Variants in PAXBP1 observed in about 807,000 individuals in gnomAD.
PAXBP1 encodes the protein PAX3- and PAX7-binding protein 1.
A neutral mutation model predicts 119.9 loss-of-function variants in PAXBP1; 44 were observed. The ratio of observed to expected loss-of-function variants is 0.37; its 90% CI spans 0.29 to 0.47. The LOEUF is 0.47. Ranked by LOEUF, PAXBP1 falls within the 20% of genes least tolerant of loss-of-function variation. The pLI is 0.99. For missense variants in PAXBP1, 898 were observed against 1,134.1 expected, an observed-to-expected ratio of 0.79 and a Z score of 2.99; for synonymous variants, 393 against 406.6, an observed-to-expected ratio of 0.97 and a Z score of 0.40.
chr21:32,768,161 A>AGGAGTT (rs113972899), intron 2 of PAXBP1, among the ~76,000 whole-genome samples: 7,313 of 152,260 alleles, frequency 0.048, 259 homozygotes, highest in South Asian at 0.15. Context: ...CCATTATCCC[A>AGGAGTT]GGCTCCTGAT....
chr21:32,771,492 C>A lies in PAXBP1; in HGVS notation c.177G>T (p.Pro59=), dbSNP rs775506458. Residue 59 remains proline (P), a synonymous_variant, in exon 1 of 18, where the codon CCG becomes CCT. Coordinates refer to ENST00000331923, the MANE Select transcript of PAXBP1 (RefSeq NM_016631.4). Reference sequence around the variant, plus strand: ...TCAGCGCGGAAGGCGGCGACGGCCCCGGGCCCAGCAGCGACTCCCCGCCAG... The same window carrying A: ...TCAGCGCGGAAGGCGGCGACGGCCCAGGGCCCAGCAGCGACTCCCCGCCAG... ...RAPGGESLLG[P]GPSPPSALTP... 3.3e-5 allele frequency: 44 copies of A among 1,329,092 alleles called. No homozygotes were observed. Among genetic ancestry groups the A allele is most frequent in the Non-Finnish European group, 3.3e-5 (35 of 1,046,278 alleles). 82.3% of individuals were successfully genotyped at this position (1,329,092 alleles called of 1,614,324 possible).
intron 16 of PAXBP1, among the ~76,000 whole-genome samples, chr21:32,737,952 T>C (rs990037359): frequency 6.6e-6 from 1 of 152,070 alleles, no homozygotes; most frequent in African/African-American, 2.4e-5. Flanking sequence ...TCTATAAAAA[T>C]ATGGATATAG....
chr21:32,751,104 G>T lies in PAXBP1; in HGVS notation c.1607+15C>A, dbSNP rs2043951857. ...CCCTTCCCAAACAAGCCAGAGCAAG[G>T]GTTTTGAGAATTACCTCCTGGCCTC... On this transcript the variant is annotated intron_variant, in intron 9 of 17. Coordinates refer to ENST00000331923, the MANE Select transcript of PAXBP1 (RefSeq NM_016631.4). 6.2e-7 allele frequency: 1 copy of T among 1,613,306 alleles called. No individual in the cohort carries two copies. Among genetic ancestry groups the T allele is most frequent in the African/African-American group, 1.3e-5 (1 of 74,982 alleles).
At chr21:32,755,468 C>A in intron 7 of PAXBP1, 115 bp from the exon 8 acceptor site, 1 of 1,349,976 alleles carries the variant, frequency 7.4e-7, no homozygotes. Flanking sequence ...ACAGAATAAT[C>A]ATGAATCCCC....
intron 12 of PAXBP1, 32 bp downstream of exon 12, chr21:32,745,542 T>C: frequency 6.2e-7 from 1 of 1,611,820 alleles, no homozygotes. Context: ...CCAGTGTGTC[T>C]GAATGCTCAA....
At chr21:32,737,518 C>T in intron 16 of PAXBP1, 110 bp from the exon 17 acceptor site, 1 of 873,512 alleles carries the variant, frequency 1.1e-6, no homozygotes. Context: ...AGACGTGCTT[C>T]TGAGCTACAG....
At chr21:32,760,796 A>G (rs1443152505) in intron 5 of PAXBP1, among the ~76,000 whole-genome samples, 2 of 152,064 alleles carry the variant, frequency 1.3e-5, no homozygotes, top group African/African-American at 4.8e-5. Context: ...CCACTTTGAG[A>G]AAAACTCATC....
rs1412198294 is a variant in PAXBP1, at chr21:32,748,556, C to G, written c.1866G>C (p.Leu622Phe). 1 of 1,613,916 alleles carries G rather than the reference C, an allele frequency of 6.2e-7. No homozygotes were observed. The highest frequency in any genetic ancestry group is 8.5e-7 in the Non-Finnish European group (1 of 1,179,930). Reference sequence around the variant, plus strand: ...GTATGAGGGGGTTGAATAATTTTGGCAAACAAAGGCCAATGTAAGCATCTT... The same window carrying G: ...GTATGAGGGGGTTGAATAATTTTGGGAAACAAAGGCCAATGTAAGCATCTT... ...SYKDAYIGLC[L>F]PKLFNPLIRL... is the part of the protein sequence containing the mutation. Residue 622 changes from leucine to phenylalanine, a missense_variant, in exon 11 of 18, where the codon TTG becomes TTC. By Grantham distance (22) the Leu-to-Phe change is conservative (BLOSUM62 0). This residue lies in a region of PAXBP1 where 599 missense variants were observed against 852.7 expected (regional missense o/e 0.70). Transcript: ENST00000331923.
intron 11 of PAXBP1, among the ~76,000 whole-genome samples, chr21:32,748,055 G>A (rs980913124): frequency 6.6e-6 from 1 of 151,652 alleles, no homozygotes; most frequent in Non-Finnish European, 1.5e-5. Flanking sequence ...CCAAACTGTT[G>A]GGATTACAAG....
intron 2 of PAXBP1, 23 bp from the exon 3 acceptor site, chr21:32,764,547 T>C: frequency 6.6e-7 from 1 of 1,508,782 alleles, no homozygotes; most frequent in Non-Finnish European, 8.9e-7. Context: ...AGAATTAAAA[T>C]ATATGTAAAA....
chr21:32,740,911 C>T (rs1033536515), intron 15 of PAXBP1, among the ~76,000 whole-genome samples: 1 of 152,032 alleles, frequency 6.6e-6, no homozygotes, highest in Non-Finnish European at 1.5e-5. Context: ...AATTTAAAAC[C>T]TAAGCAAAAG....
At chr21:32,743,181 C>T (rs962974703) in intron 15 of PAXBP1, 67 bp downstream of exon 15, 4 of 1,199,654 alleles carry the variant, frequency 3.3e-6, no homozygotes, top group Admixed American at 4.2e-5. Context: ...AAACAAAACA[C>T]TCTAAAAAAT....
chr21:32,750,813 T>G (rs2043946294), intron 10 of PAXBP1, 104 bp downstream of exon 10: 11 of 813,466 alleles, frequency 1.4e-5, no homozygotes, highest in Non-Finnish European at 1.9e-5. Context: ...AAGTGTCTGG[T>G]TCTAATGCAG....
intron 2 of PAXBP1, among the ~76,000 whole-genome samples, chr21:32,769,049 C>T (rs531775963): frequency 1.3e-5 from 2 of 152,304 alleles, no homozygotes; most frequent in African/African-American, 2.4e-5. Flanking sequence ...TCCTCTTACA[C>T]ATTTATGAGA....
rs1601581215 is a variant in PAXBP1, at chr21:32,738,078, G to A, written c.2481+95C>T. On this transcript the variant is annotated intron_variant, in intron 16 of 17. Coordinates refer to ENST00000331923, the MANE Select transcript of PAXBP1 (RefSeq NM_016631.4). ...ACATGCAAGTCCAGTAATCAAAGGG[G>A]TTTCATAAAATTCTCAAATCCCTCT... 11 of 1,257,084 alleles carry A rather than the reference G, an allele frequency of 8.8e-6. No individual in the cohort carries two copies. The East Asian group carries it at 2.8e-4, about 32-fold the overall frequency. The allele number at this position is 1,257,084 out of a possible 1,614,324, so 77.9% of individuals were successfully genotyped here.
intron 12 of PAXBP1, 97 bp from the exon 13 acceptor site, chr21:32,745,010 T>C: frequency 2.3e-6 from 3 of 1,326,874 alleles, no homozygotes; most frequent in Non-Finnish European, 3.1e-6. Context: ...AATTTATTTT[T>C]CCTCTTTTTC....
chr21:32,737,163 TA>T, intron 17 of PAXBP1, 90 bp downstream of exon 17: 1 of 1,065,084 alleles, frequency 9.4e-7, no homozygotes, highest in Non-Finnish European at 1.3e-6. Context: ...CAATTTAAAC[TA>T]AAATATAAAC....
chr21:32,764,940 T>C (rs2044215752), intron 2 of PAXBP1, among the ~76,000 whole-genome samples: 1 of 152,244 alleles, frequency 6.6e-6, no homozygotes, highest in South Asian at 2.1e-4. Flanking sequence ...CCTAAGCCCA[T>C]GCGAGGCAAC....
At position 32,764,497 on chromosome 21, in the gene PAXBP1, T is replaced by A; in HGVS notation, c.500A>T (p.His167Leu). ...ESEQPLDKTG[H>L]VKDTNQEDGV... ...ATCTTCTTGATTTGTATCCTTAACA[T>A]GTCCTGTTTTGTCCAAAGGTTGTTC... Residue 167 changes from histidine (H) to leucine (L), a missense_variant, in exon 3 of 18, where the codon CAT (histidine) becomes CTT (leucine). By Grantham distance (99) the His-to-Leu change is moderately conservative. Coordinates refer to ENST00000331923, the MANE Select transcript of PAXBP1 (RefSeq NM_016631.4). The A allele has an allele frequency of 4.3e-6, 7 of 1,609,444 alleles. No homozygotes were observed. Among genetic ancestry groups the A allele is most frequent in the Non-Finnish European group, 5.9e-6 (7 of 1,178,032 alleles).
Sources: gnomAD v4.1 joint callset for allele counts (sites outside exome capture counted in the v4.1 genomes callset) on GRCh38, gnomAD v4.1.1 for gene constraint, gnomAD v4.1.1 regional missense constraint, MANE v1.5 for transcripts, NCBI Gene and HGNC (gene_info 2026-07-23, HGNC 2026-07-21) for gene names.